TRAPPC9: variants seen among roughly 807,000 people sequenced by gnomAD.
The protein encoded by TRAPPC9 is IKK2 binding protein.
A neutral mutation model predicts 124.0 loss-of-function variants in TRAPPC9; 83 were observed. The ratio of observed to expected loss-of-function variants is 0.67; its 90% CI spans 0.56 to 0.80. The LOEUF (loss-of-function observed/expected upper bound fraction) is 0.80, where lower values mean the gene tolerates loss of function less well. Among genes scored for constraint, TRAPPC9 ranks in the 30% least tolerant of loss-of-function variants. TRAPPC9 has a pLI of 0.00. For missense variants in TRAPPC9, 1,302 were observed against 1,508.3 expected, an observed-to-expected ratio of 0.86 and a Z score of 2.27; for synonymous variants, 638 against 617.5, an observed-to-expected ratio of 1.03 and a Z score of -0.49.
chr8:140,129,707 T>C (rs912222514), intron 17 of TRAPPC9, among the ~76,000 whole-genome samples: 2 of 150,184 alleles, frequency 1.3e-5, no homozygotes, highest in Non-Finnish European at 2.9e-5. Flanking sequence ...GAGCCAGCTT[T>C]CTCCCCAAGA....
rs565190707 is a variant in TRAPPC9, at chr8:139,988,163, C to T, written c.2810+563G>A. ...TCGCTCTGTCGCCCAGGCTGGAGTACGGTGGTACGATCGATCTCGGCTCAC... is the reference window on the plus strand; with the variant it reads ...TCGCTCTGTCGCCCAGGCTGGAGTATGGTGGTACGATCGATCTCGGCTCAC... On this transcript the variant is annotated intron_variant, in intron 19 of 22. Coordinates refer to ENST00000438773, the MANE Select transcript of TRAPPC9 (RefSeq NM_001160372.4). 7.8e-4 allele frequency among the ~76,000 whole-genome samples: 112 copies of T among 143,238 alleles called. No individual in the cohort carries two copies. The South Asian group carries it at 0.022, about 28-fold the overall frequency. The allele number at this position is 143,238 out of a possible 152,430, so 94.0% of individuals were successfully genotyped here. A position where few individuals can be genotyped will look rare whatever the true frequency, so the allele number is the denominator to read the frequency against.
intron 5 of TRAPPC9, among the ~76,000 whole-genome samples, chr8:140,420,196 G>A (rs2070152120): frequency 6.6e-6 from 1 of 151,998 alleles, no homozygotes. Context: ...CAAAACATTG[G>A]CTAAAAAAAA....
chr8:139,816,628 C>T (rs1442626360), intron 21 of TRAPPC9, among the ~76,000 whole-genome samples: 2 of 152,090 alleles, frequency 1.3e-5, no homozygotes, highest in African/African-American at 2.4e-5. Flanking sequence ...TGGGACCCAA[C>T]TGCAGGTCTG....
At chr8:140,352,827 G>C (rs2067626823) in intron 9 of TRAPPC9, among the ~76,000 whole-genome samples, 1 of 152,164 alleles carries the variant, frequency 6.6e-6, no homozygotes, top group African/African-American at 2.4e-5. Context: ...TGATTCTGCT[G>C]TTCCCTATTT....
chr8:140,252,834 T>A lies in TRAPPC9; in HGVS notation c.2374A>T (p.Ile792Phe). The A allele has an allele frequency of 6.2e-7, 1 of 1,614,140 alleles. No homozygotes were observed. Among genetic ancestry groups the A allele is most frequent in the Non-Finnish European group, 8.5e-7 (1 of 1,180,018 alleles). ...PGKVATFTIN[I>F]KVKLDFSCQE... ...CAGGAGAAATCCAGCTTCACTTTGA[T>A]GTTGATTGTGAACGTGGCCACCTTC... Residue 792 changes from isoleucine (I) to phenylalanine (F), a missense_variant, in exon 16 of 23, where the codon ATC (isoleucine) becomes TTC (phenylalanine). Around this residue, in one of 3 missense-constraint regions of TRAPPC9, gnomAD observed 640 missense variants for 679.3 expected, o/e 0.94. Transcript: ENST00000438773. The surrounding 1 kb of genome is among the most constrained non-coding windows in gnomAD (Gnocchi z 4.2).
At chr8:140,031,785 A>C (rs1298425036) in intron 17 of TRAPPC9, among the ~76,000 whole-genome samples, 1 of 152,144 alleles carries the variant, frequency 6.6e-6, no homozygotes, top group Non-Finnish European at 1.5e-5. Flanking sequence ...CAGTGCAGGG[A>C]TGGGTTTGAA....
rs751292398 is a variant in TRAPPC9, at chr8:140,270,714, AG to A, written c.2278+4943del. Among the ~76,000 whole-genome samples, 23 of 151,956 alleles carry A rather than the reference AG, an allele frequency of 1.5e-4. 1 individual carries two copies. In the East Asian group the frequency reaches 3.5e-3, roughly 23 times the overall value. On this transcript the variant is annotated intron_variant, in intron 15 of 22. Coordinates refer to ENST00000438773, the MANE Select transcript of TRAPPC9 (RefSeq NM_001160372.4). The stretch of plus-strand genomic sequence containing the variant: ...AATGCTCCGGAGCTGAGGAGGCAGG[AG>A]GGGTGGGAGAAGTCAGCATGGCGTG...
At chr8:139,903,641 T>G (rs1359341958) in intron 20 of TRAPPC9, among the ~76,000 whole-genome samples, 2 of 152,232 alleles carry the variant, frequency 1.3e-5, no homozygotes, top group Admixed American at 1.3e-4. Context: ...ACTCATCCCG[T>G]GAGTTGCAGT....
At chr8:140,373,870 CGTTT>C (rs2068357277) in intron 7 of TRAPPC9, among the ~76,000 whole-genome samples, 3 of 152,224 alleles carry the variant, frequency 2.0e-5, no homozygotes, top group African/African-American at 7.2e-5. Flanking sequence ...AAAATTAGAT[CGTTT>C]GTTTTATTAC....
At chr8:139,856,346 AT>A (rs58717941) in intron 21 of TRAPPC9, among the ~76,000 whole-genome samples, 1 of 151,786 alleles carries the variant, frequency 6.6e-6, no homozygotes, top group African/African-American at 2.4e-5. Context: ...CTCTCCGGGG[AT>A]TTTTTCCTGA....
intron 15 of TRAPPC9, among the ~76,000 whole-genome samples, chr8:140,272,551 G>T (rs551123914): frequency 6.6e-6 from 1 of 152,234 alleles, no homozygotes; most frequent in South Asian, 2.1e-4. Context: ...AATTCACTTT[G>T]CATTGCTATA....
At chr8:139,877,596 C>T (rs1829404583) in intron 21 of TRAPPC9, among the ~76,000 whole-genome samples, 1 of 152,188 alleles carries the variant, frequency 6.6e-6, no homozygotes, top group Non-Finnish European at 1.5e-5. Flanking sequence ...CAGGAACACA[C>T]TCACTCCGGG....
At chr8:140,196,544 C>T (rs1286753584) in intron 17 of TRAPPC9, among the ~76,000 whole-genome samples, 2 of 92,264 alleles carry the variant, frequency 2.2e-5, no homozygotes. Context: ...ACACACTCAA[C>T]GATCCACCAT....
intron 7 of TRAPPC9, among the ~76,000 whole-genome samples, chr8:140,384,052 C>G (rs1280418478): frequency 6.6e-6 from 1 of 152,100 alleles, no homozygotes. Flanking sequence ...AATTTCATAT[C>G]CAGCCAAACT....
At position 140,289,163 on chromosome 8, in the gene TRAPPC9, GATAT is replaced by G. The variant is rs578153609; in HGVS notation, c.1855-1433_1855-1430del. On this transcript the variant is annotated intron_variant, in intron 12 of 22. Coordinates refer to ENST00000438773, the MANE Select transcript of TRAPPC9 (RefSeq NM_001160372.4). ...ACATATATGTAGGCATATGGGTTTA[GATAT>G]ATATATAGTGTGTGTGTGTGTGTGT... Among the ~76,000 whole-genome samples the G allele has an allele frequency of 3.0e-3, 444 of 145,690 alleles. 2 individuals carry two copies. Among genetic ancestry groups the G allele is most frequent in the African/African-American group, 0.011 (414 of 38,930 alleles).
intron 16 of TRAPPC9, among the ~76,000 whole-genome samples, chr8:140,244,314 G>A (rs2063927829): frequency 6.6e-6 from 1 of 152,296 alleles, no homozygotes; most frequent in African/African-American, 2.4e-5. Flanking sequence ...TTGATTAGCT[G>A]ACATCTACCG....
At chr8:139,954,151 G>A (rs971126650) in intron 19 of TRAPPC9, among the ~76,000 whole-genome samples, 1 of 152,194 alleles carries the variant, frequency 6.6e-6, no homozygotes, top group Non-Finnish European at 1.5e-5. Context: ...GGTAGGGAGC[G>A]ATGATGAGGG....
At chr8:139,839,390 G>A (rs1563853905) in intron 21 of TRAPPC9, among the ~76,000 whole-genome samples, 1 of 152,226 alleles carries the variant, frequency 6.6e-6, no homozygotes, top group Non-Finnish European at 1.5e-5. Context: ...GGGCAGGGAT[G>A]GCTTTCGACA....
chr8:140,289,322 T>A (rs1191175813), intron 12 of TRAPPC9, among the ~76,000 whole-genome samples: 2 of 152,096 alleles, frequency 1.3e-5, no homozygotes, highest in Non-Finnish European at 2.9e-5. Context: ...GTGCCCGGAC[T>A]TGGAGCCAAG....
Sources: gnomAD v4.1 joint callset for allele counts (sites outside exome capture counted in the v4.1 genomes callset) on GRCh38, gnomAD v4.1.1 for gene constraint, gnomAD v4.1.1 regional missense constraint, Gnocchi (gnomAD v3.1) non-coding constraint, MANE v1.5 for transcripts, NCBI Gene and HGNC (gene_info 2026-07-23, HGNC 2026-07-21) for gene names.